DNAH12: variants seen among roughly 807,000 people sequenced by gnomAD.
DNAH12 encodes dynein axonemal heavy chain 12, also known as axonemal beta dynein heavy chain 12.
In DNAH12, 285 loss-of-function variants were observed where a neutral mutation model predicts 371.5. The observed-to-expected ratio is 0.77, with a 90% CI of 0.70 to 0.85. DNAH12 has a LOEUF of 0.85. Ranked by LOEUF, DNAH12 falls within the 40% of genes least tolerant of loss-of-function variation. The probability of loss-of-function intolerance (pLI) is 0.00; values close to 1 mark genes in which losing one functional copy is unlikely to be tolerated. For synonymous variants in DNAH12, 1,200 were observed against 1,213.0 expected, an observed-to-expected ratio of 0.99 and a Z score of 0.22; for missense variants, 3,611 against 3,689.4, an observed-to-expected ratio of 0.98 and a Z score of 0.55.
chr3:57,308,663 C>A (rs192787636), intron 69 of DNAH12, among the ~76,000 whole-genome samples: 1 of 152,202 alleles, frequency 6.6e-6, no homozygotes, highest in East Asian at 1.9e-4. Flanking sequence ...GTTTTCCAAG[C>A]CATCACAGCT....
chr3:57,336,396 T>C (rs1243159410), intron 60 of DNAH12, among the ~76,000 whole-genome samples: 1 of 151,936 alleles, frequency 6.6e-6, no homozygotes, highest in Admixed American at 6.6e-5. Context: ...ATGAACATAA[T>C]AGAAGAAATA....
At chr3:57,485,668 G>C (rs905481165) in intron 12 of DNAH12, among the ~76,000 whole-genome samples, 4 of 151,884 alleles carry the variant, frequency 2.6e-5, no homozygotes, top group African/African-American at 9.7e-5. Flanking sequence ...CAAAGTGCTG[G>C]AATTACAGGC....
At chr3:57,497,027 C>G (rs991792111) in intron 11 of DNAH12, among the ~76,000 whole-genome samples, 1 of 151,760 alleles carries the variant, frequency 6.6e-6, no homozygotes, top group African/African-American at 2.4e-5. Context: ...TTTTAAGGGA[C>G]AGATTTAGGA....
intron 65 of DNAH12, among the ~76,000 whole-genome samples, chr3:57,321,351 G>C (rs370626438): frequency 5.8e-4 from 88 of 152,276 alleles, no homozygotes; most frequent in African/African-American, 1.9e-3. Flanking sequence ...AAAGAATTTA[G>C]TTAATTTTAC....
At chr3:57,301,272 A>C (rs2061339581) in intron 70 of DNAH12, among the ~76,000 whole-genome samples, 1 of 29,524 alleles carries the variant, frequency 3.4e-5, no homozygotes, top group Non-Finnish European at 5.8e-5. Context: ...TCTCAAAAAA[A>C]AAAAAAAAAA....
intron 13 of DNAH12, among the ~76,000 whole-genome samples, chr3:57,480,395 C>T (rs2066696831): frequency 6.6e-6 from 1 of 151,936 alleles, no homozygotes; most frequent in Non-Finnish European, 1.5e-5. Context: ...TCTGAATAGA[C>T]CAATAACAGG....
chr3:57,312,377 G>C (rs1320029928), intron 66 of DNAH12, among the ~76,000 whole-genome samples: 1 of 152,164 alleles, frequency 6.6e-6, no homozygotes, highest in Non-Finnish European at 1.5e-5. Context: ...TGAAGGAAGA[G>C]ACTTCACGAG....
In DNAH12 at chr3:57,389,798, A is replaced by G. The variant is rs951884205; in HGVS notation, c.7305+2074T>C. 3.5e-4 allele frequency among the ~76,000 whole-genome samples: 32 copies of G among 92,600 alleles called. No homozygotes were observed. The East Asian group carries it at 3.7e-3, about 11-fold the overall frequency. The allele number at this position is 92,600 out of a possible 152,430, so 60.7% of individuals were successfully genotyped here. A position where few individuals can be genotyped will look rare whatever the true frequency, so the allele number is the denominator to read the frequency against. ...TATACATATAAATATATATACACAT[A>G]TGTGTGTGTGTGTGTGTGTGTGTGT... is the stretch of plus-strand genomic sequence containing the variant. On this transcript the variant is annotated intron_variant, in intron 45 of 73. Transcript: ENST00000495027.
At chr3:57,481,424 T>C (rs2066738349) in intron 13 of DNAH12, among the ~76,000 whole-genome samples, 1 of 151,886 alleles carries the variant, frequency 6.6e-6, no homozygotes, top group Non-Finnish European at 1.5e-5. Flanking sequence ...TAAAAGAGGA[T>C]ACAAACAAAT....
At chr3:57,457,689 A>G in intron 22 of DNAH12, 32 bp downstream of exon 22, 1 of 1,531,148 alleles carries the variant, frequency 6.5e-7, no homozygotes, top group Non-Finnish European at 8.8e-7. Flanking sequence ...TTTGCAGAAT[A>G]TAGGGTATAT....
rs578063292 is a variant in DNAH12, at chr3:57,431,381, T to C, written c.4981-1607A>G. 2.5e-4 allele frequency among the ~76,000 whole-genome samples: 38 copies of C among 152,308 alleles called. No individual in the cohort carries two copies. In the South Asian group the frequency reaches 7.1e-3, roughly 28 times the overall value. The stretch of plus-strand genomic sequence containing the variant: ...GCTGCCCATCAGATCCTTGACCACC[T>C]TGCTCCACTCCAGCTGTCCACTTTA... On this transcript the variant is annotated intron_variant, in intron 32 of 73. Transcript: ENST00000495027.
intron 30 of DNAH12, among the ~76,000 whole-genome samples, chr3:57,435,404 C>T (rs977602025): frequency 1.1e-4 from 15 of 138,066 alleles, no homozygotes; most frequent in African/African-American, 2.9e-4. Flanking sequence ...AATATAATTC[C>T]CAGTAATCAT....
the DNAH12 span, among the ~76,000 whole-genome samples, chr3:57,551,833 A>G: frequency 6.6e-6 from 1 of 152,172 alleles, no homozygotes; most frequent in Admixed American, 6.5e-5. Context: ...GAACTTGAGA[A>G]TAAGTGGGAA....
intron 64 of DNAH12, 146 bp downstream of exon 64, chr3:57,322,861 C>T (rs1025040952): frequency 1.9e-5 from 22 of 1,175,718 alleles, no homozygotes; most frequent in East Asian, 7.8e-5. Flanking sequence ...ACCCGGGAGG[C>T]GAAGTTTGCG....
At chr3:57,329,932 C>T (rs892567311) in intron 62 of DNAH12, among the ~76,000 whole-genome samples, 7 of 152,102 alleles carry the variant, frequency 4.6e-5, no homozygotes, top group South Asian at 2.1e-4. Context: ...CAAAAGAAGA[C>T]ATTTATGCAG....
At chr3:57,340,320 C>T (rs1002507591) in intron 60 of DNAH12, among the ~76,000 whole-genome samples, 8 of 150,810 alleles carry the variant, frequency 5.3e-5, no homozygotes, top group Non-Finnish European at 1.2e-4. Flanking sequence ...AAATAAAAAG[C>T]AGAAATAAAT....
At chr3:57,302,529 G>GTT (rs879293648) in intron 69 of DNAH12, among the ~76,000 whole-genome samples, 5,381 of 47,666 alleles carry the variant, frequency 0.11, 1,021 homozygotes, top group African/African-American at 0.2. Context: ...GGCATCAGGT[G>GTT]TATATATATA....
chr3:57,306,238 CG>C (rs1181888662), intron 69 of DNAH12, among the ~76,000 whole-genome samples: 1 of 152,056 alleles, frequency 6.6e-6, no homozygotes, highest in Non-Finnish European at 1.5e-5. Context: ...AAGGTAAGTC[CG>C]TCCCCTTCTT....
the DNAH12 span, among the ~76,000 whole-genome samples, chr3:57,554,601 T>C: frequency 1.3e-5 from 2 of 152,106 alleles, no homozygotes; most frequent in Admixed American, 1.3e-4. Context: ...AGCAATTCAT[T>C]CGTTCTTCAA....
Sources: gnomAD v4.1 joint callset for allele counts (sites outside exome capture counted in the v4.1 genomes callset) on GRCh38, gnomAD v4.1.1 for gene constraint, MANE v1.5 for transcripts, NCBI Gene and HGNC (gene_info 2026-07-23, HGNC 2026-07-21) for gene names.